CCDC149: variants seen among roughly 807,000 people sequenced by gnomAD.
CCDC149 encodes coiled-coil domain containing 149.
Under a neutral mutation model 59.9 loss-of-function variants are expected in CCDC149, and 45 were observed. The ratio of observed to expected loss-of-function variants is 0.75; its 90% CI spans 0.59 to 0.96. The LOEUF (loss-of-function observed/expected upper bound fraction) is 0.96, where lower values mean the gene tolerates loss of function less well. Among genes scored for constraint, CCDC149 ranks in the 40% least tolerant of loss-of-function variants. The pLI is 0.00. For synonymous variants in CCDC149, 245 were observed against 260.6 expected (o/e 0.94, Z 0.58); for missense variants, 584 against 664.7 (o/e 0.88, Z 1.33).
At chr4:24,942,214 C>T (rs1406844532) in intron 1 of CCDC149, among the ~76,000 whole-genome samples, 1 of 151,128 alleles carries the variant, frequency 6.6e-6, no homozygotes, top group Non-Finnish European at 1.5e-5. Context: ...AAGTGGGCTT[C>T]ATCCCTGGGA....
intron 1 of CCDC149, among the ~76,000 whole-genome samples, chr4:24,932,944 G>A (rs1046078776): frequency 6.6e-6 from 1 of 152,178 alleles, no homozygotes; most frequent in African/African-American, 2.4e-5. Flanking sequence ...ATGACTCTGT[G>A]TTCCAACCAG....
intron 3 of CCDC149, among the ~76,000 whole-genome samples, chr4:24,858,035 A>C (rs893321840): frequency 4.6e-5 from 7 of 152,202 alleles, no homozygotes; most frequent in Non-Finnish European, 5.9e-5. Context: ...CAGCAAAAAA[A>C]AAAGAAAGTA....
chr4:24,852,963 T>A (rs1717757647), intron 4 of CCDC149, 109 bp downstream of exon 4: 3 of 734,090 alleles, frequency 4.1e-6, no homozygotes, highest in East Asian at 2.6e-5. Context: ...TAAAAATCTA[T>A]AACAAACTTT....
intron 4 of CCDC149, among the ~76,000 whole-genome samples, chr4:24,850,347 G>C (rs6814740): frequency 1.3e-5 from 2 of 152,196 alleles, no homozygotes; most frequent in African/African-American, 4.8e-5. Flanking sequence ...TGCCACGCAA[G>C]TGAGAAGCAG....
At chr4:24,974,560 A>G (rs1271546068) in intron 1 of CCDC149, among the ~76,000 whole-genome samples, 5 of 152,350 alleles carry the variant, frequency 3.3e-5, no homozygotes, top group African/African-American at 7.2e-5. Flanking sequence ...TCCCTAGCAC[A>G]TAAGAATTTC....
At chr4:24,812,427 G>A (rs1348834602) in intron 12 of CCDC149, among the ~76,000 whole-genome samples, 1 of 152,192 alleles carries the variant, frequency 6.6e-6, no homozygotes, top group Admixed American at 6.5e-5. Flanking sequence ...CGATGGCTCT[G>A]CTCGCTTCTT....
intron 1 of CCDC149, among the ~76,000 whole-genome samples, chr4:24,906,569 T>C (rs1050640689): frequency 1.3e-5 from 2 of 151,762 alleles, no homozygotes; most frequent in Non-Finnish European, 2.9e-5. Context: ...AGCTGATTTT[T>C]GCATTTTTAG....
Position 24,837,449 on chromosome 4 carries a change from C to G in CCDC149, c.490-49G>C. 1.9e-6 allele frequency: 3 copies of G among 1,589,646 alleles called. No homozygotes were observed. Among genetic ancestry groups the G allele is most frequent in the Non-Finnish European group, 2.6e-6 (3 of 1,162,612 alleles). ...ACTCAAGATGTTCCTCAGGCTCCAG[C>G]TTTATGGCCAGAGATGGAGCCTCCC... On this transcript the variant is annotated intron_variant, in intron 5 of 12. Coordinates refer to ENST00000635206, the MANE Select transcript of CCDC149 (RefSeq NM_001330643.2). The surrounding 1 kb of genome is among the most constrained non-coding windows in gnomAD (Gnocchi z 4.3).
At chr4:24,826,505 G>A (rs1715752655) in intron 9 of CCDC149, among the ~76,000 whole-genome samples, 1 of 152,176 alleles carries the variant, frequency 6.6e-6, no homozygotes, top group Non-Finnish European at 1.5e-5. Flanking sequence ...AGACACAACG[G>A]ATGCAGGAAG....
At chr4:24,850,776 T>C (rs1717608221) in intron 4 of CCDC149, among the ~76,000 whole-genome samples, 1 of 152,174 alleles carries the variant, frequency 6.6e-6, no homozygotes, top group African/African-American at 2.4e-5. Flanking sequence ...CAGTCACAGT[T>C]ACCTGGGAAC....
chr4:24,861,557 C>T (rs1024009524), intron 3 of CCDC149, among the ~76,000 whole-genome samples: 1 of 151,798 alleles, frequency 6.6e-6, no homozygotes, highest in Non-Finnish European at 1.5e-5. Flanking sequence ...GTGATGGGTG[C>T]ACCAAAATCT....
At chr4:24,885,786 C>T (rs1379009036) in intron 1 of CCDC149, among the ~76,000 whole-genome samples, 2 of 152,204 alleles carry the variant, frequency 1.3e-5, no homozygotes, top group Non-Finnish European at 2.9e-5. Context: ...ATTCTCTCTC[C>T]TTCCCAGCTC....
At chr4:24,958,364 C>T (rs1293868228) in intron 1 of CCDC149, among the ~76,000 whole-genome samples, 1 of 152,308 alleles carries the variant, frequency 6.6e-6, no homozygotes, top group East Asian at 1.9e-4. Context: ...GTGCCTCAGA[C>T]TACCTATCTG....
chr4:24,868,909 A>G (rs906687273), intron 3 of CCDC149, among the ~76,000 whole-genome samples: 4 of 152,138 alleles, frequency 2.6e-5, no homozygotes, highest in African/African-American at 4.8e-5. Context: ...CTTGAGCTCT[A>G]TATGCTTTAA....
At chr4:24,862,397 CA>C (rs943748345) in intron 3 of CCDC149, among the ~76,000 whole-genome samples, 21 of 152,144 alleles carry the variant, frequency 1.4e-4, no homozygotes, top group Non-Finnish European at 3.1e-4. Context: ...AAGTTCTGCC[CA>C]AAAAGAGCAG....
At chr4:24,849,186 TGTGGCCCCAGCA>T in intron 4 of CCDC149, among the ~76,000 whole-genome samples, 1 of 152,300 alleles carries the variant, frequency 6.6e-6, no homozygotes, top group African/African-American at 2.4e-5. Context: ...CCACTGTCTC[TGTGGCCCCAGCA>T]CTGCCTGAGT....
intron 3 of CCDC149, among the ~76,000 whole-genome samples, chr4:24,867,064 C>T (rs922344870): frequency 2.6e-5 from 4 of 152,126 alleles, no homozygotes; most frequent in Non-Finnish European, 5.9e-5. Flanking sequence ...ACTACAGCAC[C>T]GAACTACAAG....
intron 1 of CCDC149, among the ~76,000 whole-genome samples, chr4:24,947,617 T>C (rs995700412): frequency 1.3e-5 from 2 of 152,178 alleles, no homozygotes; most frequent in African/African-American, 4.8e-5. Flanking sequence ...TCCTCTTCCA[T>C]GAAATCCAAG....
chr4:24,948,036 T>C (rs936528992), intron 1 of CCDC149, among the ~76,000 whole-genome samples: 1 of 152,160 alleles, frequency 6.6e-6, no homozygotes, highest in Non-Finnish European at 1.5e-5. Flanking sequence ...CTTCGTTCCC[T>C]CCCTGTTCAT....
Sources: gnomAD v4.1 joint callset for allele counts (sites outside exome capture counted in the v4.1 genomes callset) on GRCh38, gnomAD v4.1.1 for gene constraint, Gnocchi (gnomAD v3.1) non-coding constraint, MANE v1.5 for transcripts, NCBI Gene and HGNC (gene_info 2026-07-23, HGNC 2026-07-21) for gene names.